LRRC38: variants seen among roughly 807,000 people sequenced by gnomAD.
The protein encoded by LRRC38 is leucine-rich repeat-containing protein 38.
Under a neutral mutation model 16.4 loss-of-function variants are expected in LRRC38, and 5 were observed. That is an observed-to-expected ratio of 0.31 (90% confidence interval 0.16 to 0.64). The LOEUF (loss-of-function observed/expected upper bound fraction) is 0.64. Ranked by LOEUF, LRRC38 falls within the 30% of genes least tolerant of loss-of-function variation. The pLI is 0.80. For synonymous variants in LRRC38, 191 were observed against 190.2 expected (o/e 1.00, Z -0.04); for missense variants, 341 against 401.8 (o/e 0.85, Z 1.29).
At chr1:13,507,370 T>A (rs1434245483) in intron 1 of LRRC38, among the ~76,000 whole-genome samples, 1 of 152,204 alleles carries the variant, frequency 6.6e-6, no homozygotes, top group Non-Finnish European at 1.5e-5. Context: ...GTCACTTGCA[T>A]GAAAACCGAG....
chr1:13,476,763 G>T (rs1401974896), intron 1 of LRRC38, among the ~76,000 whole-genome samples: 1 of 152,200 alleles, frequency 6.6e-6, no homozygotes, highest in East Asian at 1.9e-4. Flanking sequence ...TGGGGCAGAT[G>T]CAGTGGGATG....
chr1:13,485,285 A>AAAAAAAAAAAAAAAAAAC (rs1553134928), intron 1 of LRRC38, among the ~76,000 whole-genome samples: 89 of 149,222 alleles, frequency 6.0e-4, no homozygotes, highest in African/African-American at 2.2e-3. Context: ...CTTAAAAAAA[A>AAAAAAAAAAAAAAAAAAC]AAAAAAAAAC....
Position 13,487,582 on chromosome 1 carries a change from G to T in LRRC38, c.632-11483C>A, listed in dbSNP as rs1038943256. On this transcript the variant is annotated intron_variant, in intron 1 of 1. Coordinates refer to ENST00000376085, the MANE Select transcript of LRRC38 (RefSeq NM_001010847.2). The surrounding 1 kb of genome is among the most constrained non-coding windows in gnomAD (Gnocchi z 4.4). The stretch of plus-strand genomic sequence containing the variant: ...TCCAGGGCACATTCAGAAGAGACAG[G>T]CATCTCCCTTGTGCAGGGCGGCTCC... Among the ~76,000 whole-genome samples the T allele has an allele frequency of 6.6e-6, 1 of 152,160 alleles. No individual in the cohort carries two copies. The highest frequency in any genetic ancestry group is 1.5e-5 in the Non-Finnish European group (1 of 68,040).
In LRRC38 at chr1:13,481,795, C is replaced by T. The variant is rs868186477; in HGVS notation, c.632-5696G>A. 2.3e-3 allele frequency among the ~76,000 whole-genome samples: 228 copies of T among 100,626 alleles called. 1 individual carries two copies. Among genetic ancestry groups the T allele is most frequent in the African/African-American group, 8.2e-3 (214 of 26,090 alleles). The allele number at this position is 100,626 out of a possible 152,430, so 66.0% of individuals were successfully genotyped here. ...TCCCTCTCTCCCTCTCTCCCTCTCT[C>T]TCTCTCTCTCTCTCTCTCTCTCTCT... On this transcript the variant is annotated intron_variant, in intron 1 of 1. Transcript: ENST00000376085.
intron 1 of LRRC38, among the ~76,000 whole-genome samples, chr1:13,499,262 C>G (rs1056602158): frequency 6.6e-6 from 1 of 152,106 alleles, no homozygotes; most frequent in African/African-American, 2.4e-5. Context: ...CCAAACCCAG[C>G]TAATTTTTGT....
intron 1 of LRRC38, among the ~76,000 whole-genome samples, chr1:13,491,757 C>A (rs1639015291): frequency 6.6e-6 from 1 of 152,102 alleles, no homozygotes. Flanking sequence ...CTCACTGCAA[C>A]CTCTGCCTCC....
At chr1:13,500,694 C>T (rs186242898) in intron 1 of LRRC38, among the ~76,000 whole-genome samples, 1 of 152,304 alleles carries the variant, frequency 6.6e-6, no homozygotes, top group African/African-American at 2.4e-5. Context: ...CCTCCTGAGG[C>T]TATGTCATAC....
intron 1 of LRRC38, among the ~76,000 whole-genome samples, chr1:13,494,324 G>A (rs997696533): frequency 6.6e-6 from 1 of 151,674 alleles, no homozygotes; most frequent in Non-Finnish European, 1.5e-5. Flanking sequence ...AGTCCTTTGA[G>A]TGTTAACACT....
chr1:13,482,246 AG>A (rs1365439630), intron 1 of LRRC38, among the ~76,000 whole-genome samples: 1 of 152,086 alleles, frequency 6.6e-6, no homozygotes, highest in African/African-American at 2.4e-5. Context: ...GGAGAGGCAT[AG>A]GGACACAGGC....
intron 1 of LRRC38, 36 bp downstream of exon 1, chr1:13,512,927 C>CGA: frequency 7.5e-7 from 1 of 1,333,534 alleles, no homozygotes; most frequent in Non-Finnish European, 1.0e-6. Context: ...CCCTGCCCCC[C>CGA]TCCCTCCCTC....
intron 1 of LRRC38, among the ~76,000 whole-genome samples, chr1:13,492,765 T>C (rs570369587): frequency 6.6e-6 from 1 of 152,222 alleles, no homozygotes; most frequent in East Asian, 1.9e-4. Flanking sequence ...ACTCTATGAA[T>C]TCTTCTCTTA....
chr1:13,481,321 G>A (rs1280696047), intron 1 of LRRC38, among the ~76,000 whole-genome samples: 2 of 151,438 alleles, frequency 1.3e-5, no homozygotes, highest in African/African-American at 2.4e-5. Context: ...GCCTCCCAAA[G>A]TGCTGGGACT....
rs566219490 is a variant in LRRC38 at position 13,492,951 on chromosome 1, C to T, written c.632-16852G>A. Among the ~76,000 whole-genome samples, 26 of 150,604 alleles carry T rather than the reference C, an allele frequency of 1.7e-4. No homozygotes were observed. The East Asian group carries it at 4.5e-3, about 26-fold the overall frequency. On this transcript the variant is annotated intron_variant, in intron 1 of 1. Coordinates refer to ENST00000376085, the MANE Select transcript of LRRC38 (RefSeq NM_001010847.2). ...TAACCTCCGACCACGTGAGTCCCGT[C>T]GCTCTTGGGAGTTCCCTGGGGGCCA...
At chr1:13,492,764 A>G (rs1402563090) in intron 1 of LRRC38, among the ~76,000 whole-genome samples, 1 of 152,146 alleles carries the variant, frequency 6.6e-6, no homozygotes, top group African/African-American at 2.4e-5. Flanking sequence ...CACTCTATGA[A>G]TTCTTCTCTT....
At chr1:13,509,392 G>A (rs1639249685) in intron 1 of LRRC38, among the ~76,000 whole-genome samples, 1 of 152,060 alleles carries the variant, frequency 6.6e-6, no homozygotes. Flanking sequence ...TGTGTCAGAT[G>A]CTCTGTGCCC....
chr1:13,488,328 G>T (rs527890657), intron 1 of LRRC38, among the ~76,000 whole-genome samples: 3 of 151,420 alleles, frequency 2.0e-5, no homozygotes, highest in African/African-American at 7.3e-5. Context: ...GAGTATAGTG[G>T]TGGTGGGATC....
chr1:13,511,562 C>A (rs1639274364), intron 1 of LRRC38, among the ~76,000 whole-genome samples: 1 of 152,014 alleles, frequency 6.6e-6, no homozygotes. Flanking sequence ...AGCCAATAAA[C>A]CAACCCAACC....
chr1:13,475,858 G>A lies in LRRC38; in HGVS notation c.873C>T (p.Asp291=), dbSNP rs1164030350. The A allele has an allele frequency of 7.1e-6, 11 of 1,549,640 alleles. No individual in the cohort carries two copies. Among genetic ancestry groups the A allele is most frequent in the South Asian group, 4.8e-5 (4 of 84,034 alleles). Residue 291 remains aspartate (D), a synonymous_variant, in exon 2 of 2, where the codon GAC becomes GAT. Coordinates refer to ENST00000376085, the MANE Select transcript of LRRC38 (RefSeq NM_001010847.2). The surrounding 1 kb of genome is among the most constrained non-coding windows in gnomAD (Gnocchi z 4.3). ...GGGAGGAGGTGGCTCAGTCATCCTT[G>A]TCCTCGTCTTCATCCTCCGCATCTT... ...PNKDAEDEDE[D]KDD is the part of the protein sequence containing the mutation.
intron 1 of LRRC38, among the ~76,000 whole-genome samples, chr1:13,476,600 A>G (rs1329409961): frequency 6.6e-6 from 1 of 152,142 alleles, no homozygotes; most frequent in Admixed American, 6.5e-5. Flanking sequence ...AAGTGCTGGG[A>G]TTACAGGCGT....
Sources: allele counts gnomAD v4.1 joint callset (sites outside exome capture counted in the v4.1 genomes callset), GRCh38; gene constraint gnomAD v4.1.1; non-coding constraint Gnocchi (gnomAD v3.1); transcripts MANE v1.5; gene names NCBI Gene and HGNC (gene_info 2026-07-23, HGNC 2026-07-21).